Variants in VEZT observed in about 807,000 individuals in gnomAD.
VEZT encodes vezatin.
A neutral mutation model predicts 79.9 loss-of-function variants in VEZT; 39 were observed. The ratio of observed to expected loss-of-function variants is 0.49; its 90% CI spans 0.38 to 0.64. The LOEUF (loss-of-function observed/expected upper bound fraction) is 0.64, where lower values mean the gene tolerates loss of function less well. VEZT is among the 30% of genes least tolerant of loss of function. The probability of loss-of-function intolerance (pLI) is 0.00; values close to 1 mark genes in which losing one functional copy is unlikely to be tolerated. For synonymous variants in VEZT, 325 were observed against 327.6 expected, an observed-to-expected ratio of 0.99 and a Z score of 0.09; for missense variants, 837 against 893.1, an observed-to-expected ratio of 0.94 and a Z score of 0.80.
intron 7 of VEZT, among the ~76,000 whole-genome samples, chr12:95,277,268 T>C (rs1271772738): frequency 6.6e-6 from 1 of 152,232 alleles, no homozygotes; most frequent in East Asian, 1.9e-4. Context: ...TTTATAATAG[T>C]GCACAATGGA....
chr12:95,221,282 T>C (rs975729436), intron 1 of VEZT, among the ~76,000 whole-genome samples: 5 of 152,202 alleles, frequency 3.3e-5, no homozygotes, highest in Non-Finnish European at 7.3e-5. Context: ...CATCTGCAGA[T>C]TGGACCAACC....
intron 1 of VEZT, among the ~76,000 whole-genome samples, chr12:95,220,893 A>G (rs1369956826): frequency 6.6e-6 from 1 of 152,190 alleles, no homozygotes; most frequent in Non-Finnish European, 1.5e-5. Flanking sequence ...ATACCTAGAT[A>G]TTTCTGTAGA....
chr12:95,281,932 A>AG (rs1022122366), intron 7 of VEZT, among the ~76,000 whole-genome samples: 105 of 152,136 alleles, frequency 6.9e-4, no homozygotes, highest in African/African-American at 2.2e-3. Context: ...TTCTTTGGAG[A>AG]GAAAAAAATA....
intron 6 of VEZT, among the ~76,000 whole-genome samples, chr12:95,273,949 G>A (rs2067130880): frequency 6.6e-6 from 1 of 152,160 alleles, no homozygotes; most frequent in African/African-American, 2.4e-5. Context: ...TGATGTGTCT[G>A]TAAGGATGAG....
At chr12:95,233,950 G>A (rs2059632084) in intron 1 of VEZT, among the ~76,000 whole-genome samples, 1 of 152,078 alleles carries the variant, frequency 6.6e-6, no homozygotes, top group South Asian at 2.1e-4. Flanking sequence ...TAGGTCAACG[G>A]ATATTTGCAT....
At chr12:95,256,676 C>A in intron 2 of VEZT, 1 of 1,002,040 alleles carries the variant, frequency 1.0e-6, no homozygotes, top group Non-Finnish European at 1.4e-6. Context: ...CAATATATGA[C>A]AGTTTTTCTA....
intron 4 of VEZT, 30 bp downstream of exon 4, chr12:95,263,111 C>T: frequency 3.2e-6 from 5 of 1,551,312 alleles, no homozygotes; most frequent in Non-Finnish European, 4.4e-6. Flanking sequence ...TATTCTTTGA[C>T]TGCTTACATA....
intron 1 of VEZT, among the ~76,000 whole-genome samples, chr12:95,232,722 A>G (rs562187269): frequency 6.6e-6 from 1 of 152,300 alleles, no homozygotes; most frequent in East Asian, 1.9e-4. Context: ...TCATACTGAC[A>G]TTTTAAATAA....
Position 95,302,701 on chromosome 12 carries a change from A to G in VEZT, c.*2028A>G, listed in dbSNP as rs2075338163. On this transcript the variant is annotated 3_prime_UTR_variant, in exon 12 of 12. Coordinates refer to ENST00000436874, the MANE Select transcript of VEZT (RefSeq NM_017599.4). ...AATAAAGTCTTATTTTTAAAATGCAAATTTTAGACCATACTCCCAGTGATT... is the reference window on the plus strand; with the variant it reads ...AATAAAGTCTTATTTTTAAAATGCAGATTTTAGACCATACTCCCAGTGATT... 1 of 152,108 alleles carries G rather than the reference A, an allele frequency of 6.6e-6. No homozygotes were observed. The highest frequency in any genetic ancestry group is 6.6e-5 in the Admixed American group (1 of 15,264). 9.4% of individuals were successfully genotyped at this position (152,108 alleles called of 1,614,324 possible).
intron 7 of VEZT, among the ~76,000 whole-genome samples, chr12:95,280,969 A>G (rs1043087119): frequency 6.6e-6 from 1 of 152,258 alleles, no homozygotes; most frequent in Non-Finnish European, 1.5e-5. Context: ...ATAGATATAC[A>G]TGAAATAATC....
At chr12:95,232,651 ATGACATC>A (rs2059427907) in intron 1 of VEZT, among the ~76,000 whole-genome samples, 4 of 152,208 alleles carry the variant, frequency 2.6e-5, no homozygotes, top group Admixed American at 2.0e-4. Flanking sequence ...CATGGCCCAA[ATGACATC>A]TGACATCTGA....
intron 1 of VEZT, among the ~76,000 whole-genome samples, chr12:95,222,875 A>C (rs2057830906): frequency 6.6e-6 from 1 of 152,222 alleles, no homozygotes; most frequent in South Asian, 2.1e-4. Context: ...CTGATTTTAC[A>C]AAATGAGAAT....
chr12:95,272,013 T>A lies in VEZT; in HGVS notation c.848+1825T>A, dbSNP rs553633740. ...GAGACCTTGTCTCTTAAAAAAAAAA[T>A]TCTTTTAAATTAGCTGCATGGTGGC... is the stretch of plus-strand genomic sequence containing the variant. On this transcript the variant is annotated intron_variant, in intron 6 of 11. Coordinates refer to ENST00000436874, the MANE Select transcript of VEZT (RefSeq NM_017599.4). 3.3e-5 allele frequency among the ~76,000 whole-genome samples: 5 copies of A among 151,614 alleles called. No homozygotes were observed. The South Asian group carries it at 1.0e-3, about 32-fold the overall frequency.
intron 10 of VEZT, 37 bp from the exon 11 acceptor site, chr12:95,296,014 C>T (rs745321985): frequency 3.5e-6 from 5 of 1,419,482 alleles, no homozygotes; most frequent in Non-Finnish European, 4.7e-6. Flanking sequence ...GAATTGTTTG[C>T]TTCAAGTAAA....
chr12:95,218,837 TTAAC>T (rs2057124477), intron 1 of VEZT, among the ~76,000 whole-genome samples: 1 of 152,198 alleles, frequency 6.6e-6, no homozygotes, highest in African/African-American at 2.4e-5. Context: ...AGGTGAATCT[TTAAC>T]TATGAATTGG....
At chr12:95,297,226 A>G (rs932136423) in intron 11 of VEZT, among the ~76,000 whole-genome samples, 5 of 152,216 alleles carry the variant, frequency 3.3e-5, no homozygotes, top group Non-Finnish European at 7.3e-5. Context: ...GACAGTATCA[A>G]CCTAGCTAAT....
rs73376221 is a variant in VEZT at position 95,286,303 on chromosome 12, A to G, written c.1329-1361A>G. The G allele has an allele frequency of 3.4e-3, 1,263 of 369,900 alleles. 19 individuals are homozygous for G. The highest frequency in any genetic ancestry group is 0.025 in the African/African-American group (1,156 of 46,094). The allele number at this position is 369,900 out of a possible 1,614,324, so 22.9% of individuals were successfully genotyped here. On this transcript the variant is annotated intron_variant, in intron 8 of 11. Transcript: ENST00000436874. The stretch of plus-strand genomic sequence containing the variant: ...CACCGTGCCTGACCGCAAATTTTAC[A>G]TGTATGTATGTATGTAACAAGAATA...
intron 7 of VEZT, 34 bp from the exon 8 acceptor site, chr12:95,282,279 T>C: frequency 6.6e-7 from 1 of 1,522,910 alleles, no homozygotes; most frequent in Non-Finnish European, 8.8e-7. Context: ...CCAATATTTT[T>C]ATTGATCTAG....
At chr12:95,290,274 A>G (rs1167766545) in intron 9 of VEZT, among the ~76,000 whole-genome samples, 2 of 152,350 alleles carry the variant, frequency 1.3e-5, no homozygotes, top group Admixed American at 1.3e-4. Context: ...ACCACTATGA[A>G]TGCATATACC....
Sources: allele counts gnomAD v4.1 joint callset (sites outside exome capture counted in the v4.1 genomes callset), GRCh38; gene constraint gnomAD v4.1.1; transcripts MANE v1.5; gene names NCBI Gene and HGNC (gene_info 2026-07-23, HGNC 2026-07-21).